Variants in PLCB1 observed in about 807,000 individuals in gnomAD.
PLCB1 encodes 1-phosphatidylinositol 4,5-bisphosphate phosphodiesterase beta-1.
A neutral mutation model predicts 161.8 loss-of-function variants in PLCB1; 46 were observed. The ratio of observed to expected loss-of-function variants is 0.28; its 90% CI spans 0.22 to 0.36. PLCB1 has a LOEUF of 0.36. PLCB1 is among the 10% of genes least tolerant of loss of function. The pLI is 1.00. For synonymous variants in PLCB1, 517 were observed against 503.7 expected, an observed-to-expected ratio of 1.03 and a Z score of -0.35; for missense variants, 1,016 against 1,472.5, an observed-to-expected ratio of 0.69 and a Z score of 5.07.
At chr20:8,313,940 T>C (rs1002952024) in intron 2 of PLCB1, among the ~76,000 whole-genome samples, 1 of 152,228 alleles carries the variant, frequency 6.6e-6, no homozygotes, top group Admixed American at 6.5e-5. Flanking sequence ...TCTTGTTGCT[T>C]CAATGTAGTC....
chr20:8,693,223 C>A (rs1990518163), intron 10 of PLCB1, among the ~76,000 whole-genome samples: 1 of 152,126 alleles, frequency 6.6e-6, no homozygotes, highest in Non-Finnish European at 1.5e-5. Flanking sequence ...TATGTACAAA[C>A]ACATAATGGT....
intron 31 of PLCB1, among the ~76,000 whole-genome samples, chr20:8,841,284 A>G (rs1352979572): frequency 6.6e-6 from 1 of 152,254 alleles, no homozygotes; most frequent in Non-Finnish European, 1.5e-5. Flanking sequence ...ATGTGTGAGT[A>G]ATGGCTATTA....
rs1393295262 is a variant in PLCB1, at chr20:8,881,901, C to A, written c.*52C>A. The A allele has an allele frequency of 1.7e-6, 2 of 1,182,132 alleles. No homozygotes were observed. The highest frequency in any genetic ancestry group is 2.5e-6 in the Non-Finnish European group (2 of 792,860). 73.2% of individuals were successfully genotyped at this position (1,182,132 alleles called of 1,614,324 possible). A position where few individuals can be genotyped will look rare whatever the true frequency, so the allele number is the denominator to read the frequency against. On this transcript the variant is annotated 3_prime_UTR_variant, in exon 32 of 32. Coordinates refer to ENST00000338037, the MANE Select transcript of PLCB1 (RefSeq NM_015192.4). ...GCATGGCCACTCCAGCGTCATCGGACTCTCTCTTATTACAAAGATCACTGC... is the reference window on the plus strand; with the variant it reads ...GCATGGCCACTCCAGCGTCATCGGAATCTCTCTTATTACAAAGATCACTGC...
chr20:8,871,114 T>C (rs945701762), intron 31 of PLCB1, among the ~76,000 whole-genome samples: 1 of 152,236 alleles, frequency 6.6e-6, no homozygotes, highest in Non-Finnish European at 1.5e-5. Context: ...AAATTAGCCA[T>C]AGATTATGAA....
intron 3 of PLCB1, among the ~76,000 whole-genome samples, chr20:8,418,593 C>G (rs1191240951): frequency 2.0e-5 from 3 of 151,806 alleles, no homozygotes; most frequent in African/African-American, 7.3e-5. Context: ...ATATAAATTA[C>G]TTATATATTT....
intron 2 of PLCB1, among the ~76,000 whole-genome samples, chr20:8,363,226 A>G (rs1986599566): frequency 6.6e-6 from 1 of 152,168 alleles, no homozygotes; most frequent in Non-Finnish European, 1.5e-5. Flanking sequence ...TAAAACAACA[A>G]ACATTTATTA....
At chr20:8,143,005 A>G (rs1453410777) in intron 1 of PLCB1, among the ~76,000 whole-genome samples, 1 of 152,148 alleles carries the variant, frequency 6.6e-6, no homozygotes, top group Non-Finnish European at 1.5e-5. Flanking sequence ...TCCTGACTTC[A>G]TTATTATCTG....
chr20:8,585,508 A>G (rs989299122), intron 3 of PLCB1, among the ~76,000 whole-genome samples: 1 of 152,248 alleles, frequency 6.6e-6, no homozygotes, highest in African/African-American at 2.4e-5. Flanking sequence ...TTTCACTCCA[A>G]TAATACTAAA....
At chr20:8,760,323 A>G (rs918382468) in intron 24 of PLCB1, 84 bp from the exon 25 acceptor site, 7 of 750,842 alleles carry the variant, frequency 9.3e-6, no homozygotes, top group Middle Eastern at 5.3e-4. Context: ...TTTAGATTCA[A>G]GGCCCAAATA....
intron 2 of PLCB1, among the ~76,000 whole-genome samples, chr20:8,180,630 A>C (rs545354217): frequency 4.1e-4 from 62 of 152,190 alleles, no homozygotes; most frequent in African/African-American, 1.4e-3. Context: ...AGGGGCATGT[A>C]ATATACTTTC....
intron 31 of PLCB1, among the ~76,000 whole-genome samples, chr20:8,828,884 A>G (rs1167905469): frequency 1.3e-5 from 2 of 152,196 alleles, no homozygotes; most frequent in Admixed American, 6.5e-5. Flanking sequence ...GCCCAGTGGA[A>G]TTAATGTTCT....
intron 2 of PLCB1, among the ~76,000 whole-genome samples, chr20:8,216,010 T>G (rs904683710): frequency 6.6e-6 from 1 of 152,134 alleles, no homozygotes; most frequent in Non-Finnish European, 1.5e-5. Context: ...TTTTATGCTT[T>G]TCATTTAAAA....
intron 3 of PLCB1, among the ~76,000 whole-genome samples, chr20:8,545,985 A>T (rs566984452): frequency 1.3e-5 from 2 of 152,212 alleles, no homozygotes; most frequent in Non-Finnish European, 2.9e-5. Flanking sequence ...TTTGTATGCC[A>T]TCATTGCAAA....
At chr20:8,386,830 C>CGAGA (rs1269560682) in intron 3 of PLCB1, among the ~76,000 whole-genome samples, 1 of 152,224 alleles carries the variant, frequency 6.6e-6, no homozygotes, top group African/African-American at 2.4e-5. Flanking sequence ...TGTAGCTTCT[C>CGAGA]CATCAGCACT....
chr20:8,690,658 C>T lies in PLCB1; in HGVS notation c.1009+5580C>T, dbSNP rs138174120. On this transcript the variant is annotated intron_variant, in intron 10 of 31. Coordinates refer to ENST00000338037, the MANE Select transcript of PLCB1 (RefSeq NM_015192.4). ...TATATAGGAGCAATTAGGGAGGTTACGAATCTTGTGACTTCAGTCCTAAAC... is the reference window on the plus strand; with the variant it reads ...TATATAGGAGCAATTAGGGAGGTTATGAATCTTGTGACTTCAGTCCTAAAC... Among the ~76,000 whole-genome samples, 226 of 152,236 alleles carry T rather than the reference C, an allele frequency of 1.5e-3. 1 individual carries two copies. Among genetic ancestry groups the T allele is most frequent in the African/African-American group, 5.3e-3 (220 of 41,546 alleles).
intron 27 of PLCB1, 72 bp downstream of exon 27, chr20:8,774,791 A>T: frequency 7.4e-7 from 1 of 1,343,168 alleles, no homozygotes; most frequent in African/African-American, 1.5e-5. Context: ...ATACTTTTGG[A>T]TAACTAAAAG....
At chr20:8,730,641 CTA>C (rs923573098) in intron 18 of PLCB1, among the ~76,000 whole-genome samples, 114 of 151,688 alleles carry the variant, frequency 7.5e-4, no homozygotes, top group African/African-American at 2.3e-3. Context: ...TAAAAAAAAA[CTA>C]TTTTTAAAAT....
At chr20:8,277,011 T>C (rs1407237642) in intron 2 of PLCB1, among the ~76,000 whole-genome samples, 2 of 135,508 alleles carry the variant, frequency 1.5e-5, no homozygotes, top group Admixed American at 7.2e-5. Flanking sequence ...ATTATTATTA[T>C]TATTGTTAGA....
At chr20:8,253,199 T>C (rs1187165504) in intron 2 of PLCB1, among the ~76,000 whole-genome samples, 8 of 151,982 alleles carry the variant, frequency 5.3e-5, no homozygotes, top group Non-Finnish European at 1.0e-4. Flanking sequence ...GGTATTGACT[T>C]CCCTAAGGGC....
Sources: allele counts gnomAD v4.1 joint callset (sites outside exome capture counted in the v4.1 genomes callset), GRCh38; gene constraint gnomAD v4.1.1; transcripts MANE v1.5; gene names NCBI Gene and HGNC (gene_info 2026-07-23, HGNC 2026-07-21).